The following EEIG1 variants were observed in gnomAD, a reference collection of about 807,000 sequenced individuals.
The protein encoded by EEIG1 is estrogen-induced osteoclastogenesis regulator 1, also known as early estrogen-induced gene 1 protein.
the EEIG1 span, chr9:127,948,081 A>G: frequency 6.2e-7 from 1 of 1,611,708 alleles, no homozygotes; most frequent in African/African-American, 1.3e-5. Flanking sequence ...CTGAGCTGAG[A>G]ATAGTGGGCC....
the EEIG1 span, among the ~76,000 whole-genome samples, chr9:127,970,146 C>T: frequency 1.1e-4 from 16 of 151,986 alleles, no homozygotes; most frequent in Admixed American, 5.2e-4. Flanking sequence ...CAGAATCTTG[C>T]GCTGTCGCCT....
chr9:127,979,210 G>A, the EEIG1 span, among the ~76,000 whole-genome samples: 2 of 152,162 alleles, frequency 1.3e-5, no homozygotes, highest in Non-Finnish European at 2.9e-5. Context: ...TTCCAGAAGA[G>A]GAGGCCCAGA....
the EEIG1 span, chr9:127,945,754 C>A: frequency 6.4e-7 from 1 of 1,559,288 alleles, no homozygotes; most frequent in South Asian, 1.2e-5. This position sits in a 1 kb window ranked among gnomAD's most constrained non-coding sequence, Gnocchi z 6.5. Context: ...TCTGGCAGCC[C>A]TGGAAGGCAG....
the EEIG1 span, chr9:127,950,315 A>T: frequency 2.8e-6 from 3 of 1,087,114 alleles, no homozygotes; most frequent in Non-Finnish European, 4.1e-6. Flanking sequence ...CTACCTATTC[A>T]GGTAAGGCCT....
the EEIG1 span, chr9:127,944,568 C>A: frequency 7.2e-7 from 1 of 1,390,486 alleles, no homozygotes; most frequent in Non-Finnish European, 1.0e-6. Flanking sequence ...CTGCTCTCAC[C>A]CCCAAGCCCC....
the EEIG1 span, among the ~76,000 whole-genome samples, chr9:127,952,235 C>T: frequency 6.6e-6 from 1 of 152,236 alleles, no homozygotes; most frequent in Non-Finnish European, 1.5e-5. Flanking sequence ...GTCAGCGCCC[C>T]GGGCCAGGGC....
At chr9:127,950,110 G>A in the EEIG1 span, among the ~76,000 whole-genome samples, 1 of 152,248 alleles carries the variant, frequency 6.6e-6, no homozygotes, top group Admixed American at 6.5e-5. Context: ...AGCTCGTGGG[G>A]CTGCTGTCAG....
the EEIG1 span, chr9:127,945,749 C>T: frequency 1.9e-6 from 3 of 1,562,426 alleles, no homozygotes; most frequent in Middle Eastern, 5.6e-4. This position sits in a 1 kb window ranked among gnomAD's most constrained non-coding sequence, Gnocchi z 6.5. Context: ...GTTCCTCTGG[C>T]AGCCCTGGAA....
chr9:127,952,322 C>T, the EEIG1 span, among the ~76,000 whole-genome samples: 3 of 152,254 alleles, frequency 2.0e-5, no homozygotes, highest in South Asian at 2.1e-4. Context: ...GCGCCTCCCT[C>T]GGGTGAGAGG....
the EEIG1 span, among the ~76,000 whole-genome samples, chr9:127,958,012 A>C: frequency 6.6e-6 from 1 of 152,166 alleles, no homozygotes; most frequent in African/African-American, 2.4e-5. Context: ...AGACTGTTTC[A>C]GAAAAAAGAA....
chr9:127,979,459 A>T, the EEIG1 span, among the ~76,000 whole-genome samples: 1 of 152,332 alleles, frequency 6.6e-6, no homozygotes, highest in East Asian at 1.9e-4. Context: ...GGTATTTGCA[A>T]TGCAAAGCAG....
the EEIG1 span, chr9:127,980,554 CT>C: frequency 6.6e-6 from 1 of 151,250 alleles, no homozygotes; most frequent in African/African-American, 2.4e-5. Flanking sequence ...GGCGGGCTGG[CT>C]GGCCGGTAAG....
chr9:127,945,315 G>T, the EEIG1 span: 1 of 1,384,542 alleles, frequency 7.2e-7, no homozygotes, highest in Non-Finnish European at 9.8e-7. The surrounding 1 kb of genome is among the most constrained non-coding windows in gnomAD (Gnocchi z 6.5). Flanking sequence ...GAGGTTCAAG[G>T]CACCACCGGG....
the EEIG1 span, among the ~76,000 whole-genome samples, chr9:127,945,980 G>A: frequency 6.6e-6 from 1 of 152,226 alleles, no homozygotes; most frequent in African/African-American, 2.4e-5. This position sits in a 1 kb window ranked among gnomAD's most constrained non-coding sequence, Gnocchi z 6.5. Flanking sequence ...CCCACCACAG[G>A]TCAGCGAGGA....
the EEIG1 span, chr9:127,942,703 G>GC: frequency 1.8e-5 from 3 of 168,460 alleles, no homozygotes; most frequent in Non-Finnish European, 2.6e-5. Flanking sequence ...AGGTGGTCTG[G>GC]CCCCCCCACC....
the EEIG1 span, among the ~76,000 whole-genome samples, chr9:127,977,433 C>A: frequency 6.6e-6 from 1 of 152,246 alleles, no homozygotes; most frequent in African/African-American, 2.4e-5. Context: ...GCTCCAGGGC[C>A]TGGAGGCCAG....
the EEIG1 span, among the ~76,000 whole-genome samples, chr9:127,949,735 G>A: frequency 1.3e-5 from 2 of 152,320 alleles, no homozygotes; most frequent in East Asian, 3.9e-4. Context: ...CCTTGCAGAG[G>A]CGCTGTTAGG....
the EEIG1 span, among the ~76,000 whole-genome samples, chr9:127,960,185 A>T: frequency 6.6e-6 from 1 of 152,148 alleles, no homozygotes; most frequent in Non-Finnish European, 1.5e-5. Flanking sequence ...CACGGCTTGG[A>T]CTGAAGTGGG....
the EEIG1 span, chr9:127,944,752 C>T: frequency 1.9e-6 from 3 of 1,611,210 alleles, no homozygotes; most frequent in Non-Finnish European, 2.5e-6. Flanking sequence ...GGTGGCCTCG[C>T]CCCCACCAGC....
Sources: gnomAD v4.1 joint callset for allele counts (sites outside exome capture counted in the v4.1 genomes callset) on GRCh38, gnomAD v4.1.1 for gene constraint, Gnocchi (gnomAD v3.1) non-coding constraint, MANE v1.5 for transcripts, NCBI Gene and HGNC (gene_info 2026-07-23, HGNC 2026-07-21) for gene names.